Variants in CCDC3 observed in about 807,000 individuals in gnomAD.
CCDC3 encodes coiled-coil domain containing 3, also known as coiled-coil domain-containing protein 3.
CCDC3 carries 24 observed loss-of-function variants against 21.4 expected under a neutral mutation model. The ratio of observed to expected loss-of-function variants is 1.12; its 90% CI spans 0.81 to 1.58. CCDC3 has a LOEUF of 1.58. Ranked by LOEUF, CCDC3 falls within the 40% of genes most tolerant of loss-of-function variation. The pLI is 0.00. For missense variants in CCDC3, 425 were observed against 360.9 expected, an observed-to-expected ratio of 1.18 and a Z score of -1.44; for synonymous variants, 186 against 166.0, an observed-to-expected ratio of 1.12 and a Z score of -0.93.
intron 3 of CCDC3, among the ~76,000 whole-genome samples, chr10:13,078,647 T>C (rs1173206745): frequency 1.3e-5 from 2 of 152,186 alleles, no homozygotes; most frequent in Non-Finnish European, 2.9e-5. Context: ...TAAGAAAATG[T>C]GGCACATATA....
chr10:13,019,345 A>C (rs960167930), intron 5 of CCDC3, among the ~76,000 whole-genome samples: 2 of 152,222 alleles, frequency 1.3e-5, no homozygotes, highest in African/African-American at 4.8e-5. Context: ...ATTGCTCTGA[A>C]CCATAAATAA....
At chr10:13,058,343 C>T in intron 4 of CCDC3, 2 of 1,220,848 alleles carry the variant, frequency 1.6e-6, no homozygotes, top group Non-Finnish European at 2.4e-6. Flanking sequence ...CATGCCAAAC[C>T]TACTGAGAAT....
intron 5 of CCDC3, among the ~76,000 whole-genome samples, chr10:13,019,000 G>A (rs1028000115): frequency 2.0e-5 from 3 of 151,872 alleles, no homozygotes; most frequent in South Asian, 2.1e-4. Flanking sequence ...TTGGGAGGCC[G>A]AGGCGGGCGG....
chr10:12,982,203 G>A (rs1835509251), intron 2 of CCDC3, among the ~76,000 whole-genome samples: 1 of 150,182 alleles, frequency 6.7e-6, no homozygotes, highest in Non-Finnish European at 1.5e-5. Context: ...CTGCAACGTG[G>A]AGGACCTTGA....
chr10:12,993,104 C>A (rs1589033746), intron 2 of CCDC3, among the ~76,000 whole-genome samples: 1 of 152,196 alleles, frequency 6.6e-6, no homozygotes, highest in Admixed American at 6.5e-5. Context: ...TGTTTCAGGA[C>A]CCCCTGGACG....
At position 12,897,794 on chromosome 10, in the gene CCDC3, C is replaced by T. The variant is rs1834023839; in HGVS notation, c.*622G>A. On this transcript the variant is annotated 3_prime_UTR_variant, in exon 3 of 3. Transcript: ENST00000378825. ...AGGTATAATTTATCTTGTTTAATTA[C>T]CTGCTGCCCTGCTCCTAATTCCCTC... The T allele has an allele frequency of 2.0e-5, 3 of 152,236 alleles. No homozygotes were observed. The highest frequency in any genetic ancestry group is 2.0e-4 in the Admixed American group (3 of 15,272). 9.4% of individuals were successfully genotyped at this position (152,236 alleles called of 1,614,324 possible). A position where few individuals can be genotyped will look rare whatever the true frequency, so the allele number is the denominator to read the frequency against.
chr10:12,988,410 A>G (rs766365688), intron 2 of CCDC3, among the ~76,000 whole-genome samples: 30 of 151,996 alleles, frequency 2.0e-4, no homozygotes, highest in Non-Finnish European at 3.2e-4. Flanking sequence ...ACAGTAGTGC[A>G]ATCTCAGCTC....
intron 2 of CCDC3, among the ~76,000 whole-genome samples, chr10:12,908,629 A>ATTTT (rs1834216409): frequency 1.0e-5 from 1 of 97,396 alleles, no homozygotes; most frequent in African/African-American, 5.5e-5. Context: ...TTTTTTTTTG[A>ATTTT]GACAGAGTTT....
intron 2 of CCDC3, among the ~76,000 whole-genome samples, chr10:12,900,709 AC>A (rs765600980): frequency 2.4e-4 from 35 of 147,180 alleles, no homozygotes; most frequent in Non-Finnish European, 4.4e-4. Flanking sequence ...AAAAAAAAAA[AC>A]AAACTCCATC....
At position 12,903,010 on chromosome 10, in the gene CCDC3, A is replaced by G. The variant is rs1834116496; in HGVS notation, c.550-4331T>C. On this transcript the variant is annotated intron_variant, in intron 2 of 2. Transcript: ENST00000378825. ...ATGGGATGAGAGTTCCTTGGTGAAC[A>G]TGTCATTCTTTGGTCCTCGTGGCCT... Among the ~76,000 whole-genome samples the G allele has an allele frequency of 2.6e-5, 4 of 152,346 alleles. No individual in the cohort carries two copies. In the South Asian group the frequency reaches 8.3e-4, roughly 32 times the overall value.
chr10:13,051,524 A>G (rs1207031752), intron 4 of CCDC3, among the ~76,000 whole-genome samples: 1 of 152,216 alleles, frequency 6.6e-6, no homozygotes, highest in Non-Finnish European at 1.5e-5. Flanking sequence ...AGCAGGTATG[A>G]TGGCAGCTGT....
chr10:13,038,054 T>C (rs992992651), intron 5 of CCDC3, among the ~76,000 whole-genome samples: 2 of 152,116 alleles, frequency 1.3e-5, no homozygotes, highest in Admixed American at 1.3e-4. Context: ...AGCGAGATCA[T>C]TGCAGGGAAT....
chr10:12,898,831 C>T (rs1209164460), intron 2 of CCDC3, 152 bp from the exon 3 acceptor site: 17 of 911,676 alleles, frequency 1.9e-5, no homozygotes, highest in East Asian at 2.7e-5. Context: ...ATGTCCTTGA[C>T]GGTGACATTC....
intron 2 of CCDC3, among the ~76,000 whole-genome samples, chr10:12,917,856 G>A (rs1030953489): frequency 2.6e-5 from 4 of 152,114 alleles, no homozygotes; most frequent in Non-Finnish European, 5.9e-5. Context: ...GATGTGCCAC[G>A]TTTTTCTTTA....
At chr10:13,027,856 A>G (rs1273649926) in intron 5 of CCDC3, among the ~76,000 whole-genome samples, 1 of 152,220 alleles carries the variant, frequency 6.6e-6, no homozygotes, top group Admixed American at 6.5e-5. Context: ...GAGAGGTTAT[A>G]TTAACTTTTC....
rs74695205 is a variant in CCDC3 at position 13,079,307 on chromosome 10, C to T, written c.-502-5207G>A. On this transcript the variant is annotated intron_variant, in intron 3 of 6. Coordinates refer to the CCDC3 transcript ENST00000378839. Reference sequence around the variant, plus strand: ...CTTAGGGGTAAGGAATCGAGACCCACCTGGTGTGATGAATAAACCCGGACT... The same window carrying T: ...CTTAGGGGTAAGGAATCGAGACCCATCTGGTGTGATGAATAAACCCGGACT... Among the ~76,000 whole-genome samples, 3,036 of 152,216 alleles carry T rather than the reference C, an allele frequency of 0.02. 165 individuals carry two copies. The East Asian group carries it at 0.21, about 11-fold the overall frequency.
chr10:12,943,778 A>G (rs564896938), intron 2 of CCDC3, among the ~76,000 whole-genome samples: 4 of 152,316 alleles, frequency 2.6e-5, no homozygotes, highest in East Asian at 1.9e-4. Context: ...GCCACAGATG[A>G]GACGACCCAC....
At chr10:12,946,629 C>T (rs1372686787) in intron 2 of CCDC3, among the ~76,000 whole-genome samples, 3 of 152,126 alleles carry the variant, frequency 2.0e-5, no homozygotes, top group African/African-American at 4.8e-5. Context: ...CTGAGTGGTG[C>T]CCGATTCATG....
At chr10:12,927,467 T>A (rs1201713421) in intron 2 of CCDC3, among the ~76,000 whole-genome samples, 1 of 152,210 alleles carries the variant, frequency 6.6e-6, no homozygotes, top group African/African-American at 2.4e-5. Context: ...ATGATTAATA[T>A]AAGGCCCATA....
Sources: allele counts gnomAD v4.1 joint callset (sites outside exome capture counted in the v4.1 genomes callset), GRCh38; gene constraint gnomAD v4.1.1; transcripts MANE v1.5; gene names NCBI Gene and HGNC (gene_info 2026-07-23, HGNC 2026-07-21).